The following PPARGC1B variants were observed in gnomAD, a reference collection of about 807,000 sequenced individuals.
PPARGC1B encodes the protein PPARG coactivator 1 beta, also known as peroxisome proliferator-activated receptor gamma coactivator 1-beta.
Under a neutral mutation model 101.6 loss-of-function variants are expected in PPARGC1B, and 34 were observed. The observed-to-expected ratio is 0.33, with a 90% confidence interval of 0.25 to 0.45. PPARGC1B has a LOEUF of 0.45. PPARGC1B is among the 20% of genes least tolerant of loss of function. The pLI, the probability that PPARGC1B is intolerant of heterozygous loss-of-function variation, is 1.00. For missense variants in PPARGC1B, 1,234 were observed against 1,317.6 expected (o/e 0.94, Z 0.98); for synonymous variants, 548 against 539.3 (o/e 1.02, Z -0.22).
chr5:149,796,125 T>C (rs1757205256), intron 1 of PPARGC1B, among the ~76,000 whole-genome samples: 1 of 152,088 alleles, frequency 6.6e-6, no homozygotes, highest in Non-Finnish European at 1.5e-5. Flanking sequence ...CAGACAGTGA[T>C]GTAGATCATG....
chr5:149,833,378 A>G lies in PPARGC1B; in HGVS notation c.1305A>G (p.Glu435=), dbSNP rs752291773. Residue 435 remains glutamate (E), a synonymous_variant, in exon 5 of 12, where the codon GAA becomes GAG. Coordinates refer to ENST00000309241, the MANE Select transcript of PPARGC1B (RefSeq NM_133263.4). The surrounding 1 kb of genome is among the most constrained non-coding windows in gnomAD (Gnocchi z 4.1). ...RLQQQEEEDE[E]EEEEEEEEEK... ...AGCAGCAGGAGGAGGAAGACGAGGAAGAAGAGGAGGAGGAAGAGGAAGAAG... is the reference window on the plus strand; with the variant it reads ...AGCAGCAGGAGGAGGAAGACGAGGAGGAAGAGGAGGAGGAAGAGGAAGAAG... 9.9e-6 allele frequency: 16 copies of G among 1,613,186 alleles called. No homozygotes were observed. In the Admixed American group the frequency reaches 1.3e-4, roughly 13 times the overall value.
At chr5:149,813,846 C>A (rs918597216) in intron 1 of PPARGC1B, among the ~76,000 whole-genome samples, 1 of 152,128 alleles carries the variant, frequency 6.6e-6, no homozygotes, top group Admixed American at 6.5e-5. Context: ...CTGGTGAGGA[C>A]GCATTTCCTG....
chr5:149,830,869 C>T lies in PPARGC1B; in HGVS notation c.568C>T (p.Arg190Trp), dbSNP rs752587311. 3.0e-5 allele frequency: 48 copies of T among 1,611,962 alleles called. No homozygotes were observed. Among genetic ancestry groups the T allele is most frequent in the Middle Eastern group, 1.6e-4 (1 of 6,082 alleles). ...RQAGLRSKSQ[R>W]PCVKADSTQD... ...GGCAGGCCTCAGATCTAAAAGTCAA[C>T]GGCCTTGTGTTAAGGTATTTCTTCA... is the stretch of plus-strand genomic sequence containing the variant. The change falls in exon 4 of 12, where the codon CGG (arginine) becomes TGG (tryptophan). Residue 190 changes from arginine to tryptophan, a missense_variant. By Grantham distance (101) the Arg-to-Trp change is moderately radical (BLOSUM62 -3). Transcript: ENST00000309241.
chr5:149,777,625 G>A (rs2113209730), intron 1 of PPARGC1B, among the ~76,000 whole-genome samples: 1 of 152,180 alleles, frequency 6.6e-6, no homozygotes, highest in South Asian at 2.1e-4. Flanking sequence ...TTTACAGACT[G>A]GGTCTCCTAA....
intron 10 of PPARGC1B, among the ~76,000 whole-genome samples, chr5:149,843,005 T>C (rs1195708868): frequency 6.6e-6 from 1 of 152,178 alleles, no homozygotes; most frequent in Non-Finnish European, 1.5e-5. Context: ...CCGTCTCTAC[T>C]GAAAATTTAA....
At chr5:149,841,747 G>T (rs1325085626) in intron 9 of PPARGC1B, among the ~76,000 whole-genome samples, 1 of 152,156 alleles carries the variant, frequency 6.6e-6, no homozygotes, top group Admixed American at 6.5e-5. Flanking sequence ...GGCATAGCAT[G>T]GAACTCTCCT....
chr5:149,842,541 T>C (rs957912024), intron 10 of PPARGC1B, among the ~76,000 whole-genome samples, 164 bp downstream of exon 10: 1 of 152,244 alleles, frequency 6.6e-6, no homozygotes, highest in African/African-American at 2.4e-5. Context: ...GAAATGGTAA[T>C]GCAGTCAGTA....
intron 1 of PPARGC1B, among the ~76,000 whole-genome samples, chr5:149,762,223 A>G (rs1376747697): frequency 1.4e-5 from 2 of 147,838 alleles, no homozygotes; most frequent in Non-Finnish European, 3.0e-5. Context: ...ATCTCGGCTC[A>G]CTGCAACCTC....
At chr5:149,840,483 T>G (rs1462113729) in intron 9 of PPARGC1B, among the ~76,000 whole-genome samples, 1 of 152,046 alleles carries the variant, frequency 6.6e-6, no homozygotes, top group Non-Finnish European at 1.5e-5. Context: ...GCCACCACCT[T>G]CTATGTGACC....
chr5:149,821,889 C>T (rs1485709724), intron 2 of PPARGC1B, among the ~76,000 whole-genome samples: 1 of 152,126 alleles, frequency 6.6e-6, no homozygotes, highest in Non-Finnish European at 1.5e-5. Context: ...TCCTAATAAT[C>T]GATTTTACAG....
chr5:149,808,045 T>A (rs547096909), intron 1 of PPARGC1B, among the ~76,000 whole-genome samples: 1 of 152,040 alleles, frequency 6.6e-6, no homozygotes, highest in Non-Finnish European at 1.5e-5. Context: ...GAACAAAATA[T>A]CCAATTTTAA....
chr5:149,792,885 T>C (rs756436591), intron 1 of PPARGC1B, among the ~76,000 whole-genome samples: 2 of 152,048 alleles, frequency 1.3e-5, no homozygotes, highest in Non-Finnish European at 2.9e-5. Context: ...CTTCCTTGTA[T>C]GGAAAAAATG....
intron 5 of PPARGC1B, 127 bp from the exon 6 acceptor site, chr5:149,834,547 G>A: frequency 1.3e-6 from 1 of 747,402 alleles, no homozygotes. Context: ...TGGCAGAGGT[G>A]TTTGGTCACC....
At chr5:149,805,254 G>C (rs1432023669) in intron 1 of PPARGC1B, among the ~76,000 whole-genome samples, 1 of 152,178 alleles carries the variant, frequency 6.6e-6, no homozygotes, top group African/African-American at 2.4e-5. Flanking sequence ...CATGGACTTG[G>C]GGAGTGGTTT....
chr5:149,781,348 C>T (rs1038786624), intron 1 of PPARGC1B, among the ~76,000 whole-genome samples: 4 of 152,310 alleles, frequency 2.6e-5, no homozygotes, highest in East Asian at 1.9e-4. Context: ...TTTGTCCTGC[C>T]GTTCTGCATA....
At chr5:149,757,158 A>G (rs1461863369) in intron 1 of PPARGC1B, among the ~76,000 whole-genome samples, 1 of 152,218 alleles carries the variant, frequency 6.6e-6, no homozygotes, top group Non-Finnish European at 1.5e-5. Context: ...CCTCTCTGCA[A>G]TGGTATTCAT....
At chr5:149,766,192 A>T (rs1161240850) in intron 1 of PPARGC1B, among the ~76,000 whole-genome samples, 1 of 151,994 alleles carries the variant, frequency 6.6e-6, no homozygotes, top group Non-Finnish European at 1.5e-5. Context: ...TTTTAAATTT[A>T]TGATTATGAT....
chr5:149,757,451 A>G (rs1219919976), intron 1 of PPARGC1B, among the ~76,000 whole-genome samples: 1 of 152,088 alleles, frequency 6.6e-6, no homozygotes, highest in Non-Finnish European at 1.5e-5. Flanking sequence ...GGATAAGTGC[A>G]TTTGAGGCCA....
intron 1 of PPARGC1B, among the ~76,000 whole-genome samples, chr5:149,818,514 T>G (rs1277560029): frequency 2.6e-5 from 4 of 152,184 alleles, no homozygotes; most frequent in Non-Finnish European, 5.9e-5. Flanking sequence ...TAGGCAGGAT[T>G]CTTGCAAAAT....
Sources: allele counts gnomAD v4.1 joint callset (sites outside exome capture counted in the v4.1 genomes callset), GRCh38; gene constraint gnomAD v4.1.1; non-coding constraint Gnocchi (gnomAD v3.1); transcripts MANE v1.5; gene names NCBI Gene and HGNC (gene_info 2026-07-23, HGNC 2026-07-21).